Variants in IGF2R observed in about 807,000 individuals in gnomAD.
IGF2R encodes the protein insulin like growth factor 2 receptor.
Under a neutral mutation model 270.6 loss-of-function variants are expected in IGF2R, and 91 were observed. That is an observed-to-expected ratio of 0.34 (90% confidence interval 0.28 to 0.40). IGF2R has a LOEUF of 0.40. Among genes scored for constraint, IGF2R ranks in the 10% least tolerant of loss-of-function variants. The pLI, the probability that IGF2R is intolerant of heterozygous loss-of-function variation, is 1.00. For synonymous variants in IGF2R, 1,316 were observed against 1,258.9 expected, an observed-to-expected ratio of 1.05 and a Z score of -0.96; for missense variants, 2,805 against 3,188.3, an observed-to-expected ratio of 0.88 and a Z score of 2.90.
chr6:160,063,703 G>T (rs1778493737), intron 27 of IGF2R, 73 bp downstream of exon 27: 3 of 1,123,710 alleles, frequency 2.7e-6, no homozygotes, highest in South Asian at 3.0e-5. Flanking sequence ...TGCTGAAGAT[G>T]AATTTTCCCT....
chr6:160,100,169 A>G (rs181039642), intron 45 of IGF2R, among the ~76,000 whole-genome samples: 1 of 152,318 alleles, frequency 6.6e-6, no homozygotes, highest in Admixed American at 6.5e-5. Flanking sequence ...CTATAATCAT[A>G]AGTATAGCTT....
chr6:160,079,516 C>G, intron 37 of IGF2R, 64 bp from the exon 38 acceptor site: 1 of 1,185,108 alleles, frequency 8.4e-7, no homozygotes, highest in Non-Finnish European at 1.1e-6. Flanking sequence ...AATAGTGGTT[C>G]TCTCTTCACT....
At chr6:159,985,220 GT>G (rs1783863538) in intron 1 of IGF2R, among the ~76,000 whole-genome samples, 1 of 152,212 alleles carries the variant, frequency 6.6e-6, no homozygotes, top group Non-Finnish European at 1.5e-5. Flanking sequence ...TGTTTTGCCA[GT>G]TTTTGTGTTG....
Position 160,096,612 on chromosome 6 carries a change from G to A in IGF2R, c.6829G>A (p.Val2277Met), listed in dbSNP as rs757384756. ...QYLFSWYTSA[V>M]CPLGVGFDSE... is the part of the protein sequence containing the mutation. ...CCTCTTCTCTTGGTACACCTCAGCC[G>A]TGTGTCCTCTGGGGTGAGTATGACA... The change falls in exon 45 of 48, where the codon GTG becomes ATG. Residue 2277 changes from valine (V) to methionine (M), a missense_variant. Val to Met is a conservative substitution (Grantham distance 21). This residue lies in a region of IGF2R where 1,851 missense variants were observed against 2,207.2 expected (regional missense o/e 0.84). Transcript: ENST00000356956. The A allele has an allele frequency of 4.3e-6, 7 of 1,613,488 alleles. No homozygotes were observed. In the Admixed American group the frequency reaches 8.3e-5, roughly 19 times the overall value.
chr6:160,070,490 A>G (rs528868243), intron 31 of IGF2R, among the ~76,000 whole-genome samples: 3 of 152,192 alleles, frequency 2.0e-5, no homozygotes, highest in Non-Finnish European at 4.4e-5. Context: ...CGTTCATAAC[A>G]TGAGGCATAC....
In IGF2R at chr6:160,064,812, T is replaced by A. The variant is rs201662519; in HGVS notation, c.4026T>A (p.Phe1342Leu). 2 of 1,611,564 alleles carry A rather than the reference T, an allele frequency of 1.2e-6. No individual in the cohort carries two copies. Among genetic ancestry groups the A allele is most frequent in the African/African-American group, 2.7e-5 (2 of 75,026 alleles). Reference protein sequence around the residue: ...YCDRGTQRPVFLKETSDCSYL... With the variant: ...YCDRGTQRPVLLKETSDCSYL... ...CCTCTTAACTTTTTTAGCCAGTATT[T>A]CTAAAGGAGACTTCAGATTGTTCCT... Residue 1342 changes from phenylalanine to leucine, a missense_variant, in exon 29 of 48, where the codon TTT becomes TTA. This residue lies in a region of IGF2R where 1,851 missense variants were observed against 2,207.2 expected (regional missense o/e 0.84). Transcript: ENST00000356956.
At chr6:159,999,114 C>T (rs1463398499) in intron 2 of IGF2R, among the ~76,000 whole-genome samples, 1 of 152,172 alleles carries the variant, frequency 6.6e-6, no homozygotes, top group Non-Finnish European at 1.5e-5. Flanking sequence ...ATAGAAGCCA[C>T]ATCTCAAGAA....
At chr6:160,081,222 T>A (rs755519586) in intron 39 of IGF2R, among the ~76,000 whole-genome samples, 7 of 152,012 alleles carry the variant, frequency 4.6e-5, no homozygotes, top group Non-Finnish European at 8.8e-5. Context: ...TCTATTTCCC[T>A]AAGTGTTGGC....
rs984156731 is a variant in IGF2R, at chr6:160,004,140, C to G, written c.290-4870C>G. 1.3e-5 allele frequency: 2 copies of G among 151,744 alleles called. No homozygotes were observed. The highest frequency in any genetic ancestry group is 4.8e-5 in the African/African-American group (2 of 41,274). 9.4% of individuals were successfully genotyped at this position (151,744 alleles called of 1,614,324 possible). The stretch of plus-strand genomic sequence containing the variant: ...TGAATAGTATATGTTGAAGGAAACG[C>G]TAAGTGGGTGGTGCAGGGGAGAGAG... On this transcript the variant is annotated intron_variant, in intron 2 of 47. Transcript: ENST00000356956. The surrounding 1 kb of genome is among the most constrained non-coding windows in gnomAD (Gnocchi z 5.2).
At chr6:160,045,155 A>G (rs1467921112) in intron 13 of IGF2R, among the ~76,000 whole-genome samples, 1 of 152,184 alleles carries the variant, frequency 6.6e-6, no homozygotes, top group Non-Finnish European at 1.5e-5. Flanking sequence ...TCACAGTTCC[A>G]TTAATAATTT....
At chr6:160,012,488 G>A (rs982939372) in intron 4 of IGF2R, among the ~76,000 whole-genome samples, 4 of 151,980 alleles carry the variant, frequency 2.6e-5, no homozygotes, top group Admixed American at 1.3e-4. Flanking sequence ...ACAGAGTATC[G>A]AGCACCTCAC....
intron 18 of IGF2R, 85 bp downstream of exon 18, chr6:160,048,628 A>T: frequency 7.1e-7 from 1 of 1,401,212 alleles, no homozygotes; most frequent in South Asian, 1.3e-5. Flanking sequence ...GGACATCCAG[A>T]TCAAAGGCAG....
intron 22 of IGF2R, 98 bp downstream of exon 22, chr6:160,059,196 G>A (rs541081343): frequency 5.9e-5 from 56 of 955,512 alleles, no homozygotes; most frequent in Admixed American, 1.6e-4. Flanking sequence ...CACATCCCCC[G>A]CCACCATGGG....
At chr6:160,014,007 A>G (rs1777210985) in intron 4 of IGF2R, among the ~76,000 whole-genome samples, 1 of 152,192 alleles carries the variant, frequency 6.6e-6, no homozygotes, top group Non-Finnish European at 1.5e-5. Context: ...ACATCTTACT[A>G]ATGTCTCATT....
chr6:160,030,825 T>TG (rs1001701237), intron 7 of IGF2R, among the ~76,000 whole-genome samples: 13 of 150,886 alleles, frequency 8.6e-5, no homozygotes, highest in African/African-American at 2.9e-4. Flanking sequence ...TCCCTCTGTT[T>TG]TTTTTTTTTT....
At chr6:160,042,327 T>G (rs1209460394) in intron 11 of IGF2R, among the ~76,000 whole-genome samples, 1 of 152,238 alleles carries the variant, frequency 6.6e-6, no homozygotes, top group African/African-American at 2.4e-5. Flanking sequence ...TCTCCAAATG[T>G]ACTGTATCAC....
chr6:160,068,968 C>G (rs1157506156), intron 30 of IGF2R, among the ~76,000 whole-genome samples: 2 of 152,126 alleles, frequency 1.3e-5, no homozygotes, highest in African/African-American at 4.8e-5. Flanking sequence ...ATAACCCTTT[C>G]TGAACATGAG....
chr6:160,107,851 A>T lies in IGF2R; in HGVS notation c.*2767A>T, dbSNP rs1454206617. The T allele has an allele frequency of 6.6e-6, 1 of 152,254 alleles. No homozygotes were observed. Among genetic ancestry groups the T allele is most frequent in the Non-Finnish European group, 1.5e-5 (1 of 68,050 alleles). 9.4% of individuals were successfully genotyped at this position (152,254 alleles called of 1,614,324 possible). On this transcript the variant is annotated 3_prime_UTR_variant, in exon 48 of 48. Coordinates refer to ENST00000356956, the MANE Select transcript of IGF2R (RefSeq NM_000876.4). ...AGACAACATATAGACATTAGAACTTACAGGACAAAGAACTCTTTTTCCCTG... is the reference window on the plus strand; with the variant it reads ...AGACAACATATAGACATTAGAACTTTCAGGACAAAGAACTCTTTTTCCCTG...
intron 1 of IGF2R, among the ~76,000 whole-genome samples, chr6:159,974,000 A>G (rs1361294834): frequency 6.6e-6 from 1 of 152,122 alleles, no homozygotes; most frequent in Non-Finnish European, 1.5e-5. Context: ...GCTCTTGCTA[A>G]TGTTGTAACT....
Sources: allele counts gnomAD v4.1 joint callset (sites outside exome capture counted in the v4.1 genomes callset), GRCh38; gene constraint gnomAD v4.1.1; regional missense constraint gnomAD v4.1.1; non-coding constraint Gnocchi (gnomAD v3.1); transcripts MANE v1.5; gene names NCBI Gene and HGNC (gene_info 2026-07-23, HGNC 2026-07-21).